Variants in DCHS2 observed in about 807,000 individuals in gnomAD.
DCHS2 encodes the protein protocadherin-23.
In DCHS2, 142 loss-of-function variants were observed where a neutral mutation model predicts 182.4. The ratio of observed to expected loss-of-function variants is 0.78; its 90% CI spans 0.68 to 0.89. DCHS2 has a LOEUF of 0.89. Ranked by LOEUF, DCHS2 falls within the 40% of genes least tolerant of loss-of-function variation. DCHS2 has a pLI of 0.00. For synonymous variants in DCHS2, 1,740 were observed against 1,663.3 expected, an observed-to-expected ratio of 1.05 and a Z score of -1.12; for missense variants, 4,319 against 4,198.6, an observed-to-expected ratio of 1.03 and a Z score of -0.79.
At chr4:154,298,806 A>G (rs189356247) in intron 12 of DCHS2, 98 bp from the exon 13 acceptor site, 102 of 1,429,296 alleles carry the variant, frequency 7.1e-5, no homozygotes, top group Admixed American at 3.0e-4. Flanking sequence ...CATTAAAAAT[A>G]TATTTATTCC....
chr4:154,464,041 T>C (rs1488816913), intron 1 of DCHS2, among the ~76,000 whole-genome samples: 1 of 152,060 alleles, frequency 6.6e-6, no homozygotes, highest in Non-Finnish European at 1.5e-5. Flanking sequence ...AGTTGGAAAA[T>C]GATTGAACGT....
Position 154,490,673 on chromosome 4 carries a change from G to A in DCHS2, c.683C>T (p.Pro228Leu), listed in dbSNP as rs1289098330. Residue 228 changes from proline (P) to leucine (L), a missense_variant, in exon 1 of 20, where the codon CCG (proline) becomes CTG (leucine). Coordinates refer to ENST00000357232, the MANE Select transcript of DCHS2 (RefSeq NM_001358235.2). ...GPFFQLRYRT[P>L]GPLPSPLLPG... is the part of the protein sequence containing the mutation. ...CAAAAGCGGTGACGGTAGTGGCCCC[G>A]GAGTCCGGTAGCGCAACTGGAAGAA... The A allele has an allele frequency of 5.2e-6, 8 of 1,551,434 alleles. No homozygotes were observed. The highest frequency in any genetic ancestry group is 3.9e-5 in the Admixed American group (2 of 50,990).
At chr4:154,418,414 C>G (rs937152987) in intron 1 of DCHS2, among the ~76,000 whole-genome samples, 2 of 152,172 alleles carry the variant, frequency 1.3e-5, no homozygotes, top group African/African-American at 4.8e-5. Context: ...GCTGAGAGTG[C>G]CTTTAATCCA....
At chr4:154,445,363 A>C (rs1197590889) in intron 1 of DCHS2, among the ~76,000 whole-genome samples, 6 of 152,244 alleles carry the variant, frequency 3.9e-5, no homozygotes, top group Non-Finnish European at 7.3e-5. Context: ...GCATTTAACA[A>C]AGGAGGCAAT....
At chr4:154,428,854 G>T (rs1299338748) in intron 1 of DCHS2, among the ~76,000 whole-genome samples, 1 of 152,066 alleles carries the variant, frequency 6.6e-6, no homozygotes. Context: ...AGAGAGCTGA[G>T]ATCGCACCAC....
At chr4:154,339,703 TC>T (rs1728975229) in intron 3 of DCHS2, among the ~76,000 whole-genome samples, 1 of 152,166 alleles carries the variant, frequency 6.6e-6, no homozygotes, top group Non-Finnish European at 1.5e-5. Context: ...CATCTCGGCC[TC>T]CCAGAGTGCT....
rs184764291 is a variant in DCHS2, at chr4:154,316,630, A to G, written c.5021-643T>C. Among the ~76,000 whole-genome samples, 3 of 152,126 alleles carry G rather than the reference A, an allele frequency of 2.0e-5. No individual in the cohort carries two copies. The East Asian group carries it at 5.8e-4, about 29-fold the overall frequency. ...AAACTCCATCTCCTCTAAAAACACA[A>G]AAAACTAGCCAGGCATGGTGGCGGG... On this transcript the variant is annotated intron_variant, in intron 9 of 19. Coordinates refer to ENST00000357232, the MANE Select transcript of DCHS2 (RefSeq NM_001358235.2).
At chr4:154,307,445 A>G (rs71620323) in intron 10 of DCHS2, among the ~76,000 whole-genome samples, 29,920 of 118,238 alleles carry the variant, frequency 0.25, 3,107 homozygotes, top group Admixed American at 0.38. Flanking sequence ...GCGCGCGCAC[A>G]CACACACACA....
At chr4:154,455,060 T>G (rs1048903834) in intron 1 of DCHS2, among the ~76,000 whole-genome samples, 1 of 152,210 alleles carries the variant, frequency 6.6e-6, no homozygotes, top group Non-Finnish European at 1.5e-5. Context: ...AAAATGCACA[T>G]ATAAACTTTC....
intron 1 of DCHS2, among the ~76,000 whole-genome samples, chr4:154,445,169 A>G (rs190000318): frequency 6.6e-6 from 1 of 152,248 alleles, no homozygotes; most frequent in East Asian, 1.9e-4. Context: ...CTCTCCCACT[A>G]GACTGGCTCC....
chr4:154,469,773 G>C (rs1216320789), intron 1 of DCHS2, among the ~76,000 whole-genome samples: 1 of 152,096 alleles, frequency 6.6e-6, no homozygotes, highest in East Asian at 1.9e-4. Context: ...CATTCTCCCA[G>C]GTAGTATTAG....
At chr4:154,327,511 C>T (rs930582746) in intron 7 of DCHS2, among the ~76,000 whole-genome samples, 5 of 152,026 alleles carry the variant, frequency 3.3e-5, no homozygotes, top group African/African-American at 4.8e-5. Context: ...TTGTGTCAAA[C>T]ATGACAAAGC....
At chr4:154,430,588 GA>G (rs1449738260) in intron 1 of DCHS2, among the ~76,000 whole-genome samples, 1 of 152,188 alleles carries the variant, frequency 6.6e-6, no homozygotes, top group African/African-American at 2.4e-5. Context: ...CAATGCTGTA[GA>G]ATTCTTGGAC....
chr4:154,354,544 T>G (rs1376253498), intron 3 of DCHS2, among the ~76,000 whole-genome samples: 3 of 152,228 alleles, frequency 2.0e-5, no homozygotes, highest in Non-Finnish European at 2.9e-5. Context: ...AGTACGACCC[T>G]CATTACTTTA....
At chr4:154,353,518 C>A (rs1446866416) in intron 3 of DCHS2, among the ~76,000 whole-genome samples, 1 of 152,180 alleles carries the variant, frequency 6.6e-6, no homozygotes, top group Admixed American at 6.5e-5. Context: ...AAGTGAAAGA[C>A]AGCCAACTGG....
intron 1 of DCHS2, among the ~76,000 whole-genome samples, chr4:154,421,171 A>G (rs1056602811): frequency 6.6e-6 from 1 of 152,240 alleles, no homozygotes; most frequent in African/African-American, 2.4e-5. Flanking sequence ...AGCTACATAG[A>G]GGACTTATAG....
rs187925039 is a variant in DCHS2 at position 154,489,655 on chromosome 4, G to T, written c.1701C>A (p.Asp567Glu). The T allele has an allele frequency of 6.4e-7, 1 of 1,551,634 alleles. No individual in the cohort carries two copies. The highest frequency in any genetic ancestry group is 8.7e-7 in the Non-Finnish European group (1 of 1,146,940). ...GCCAGGCGTGATCACTGCCTGCCTC[G>T]TCGGCATCGGAGGCGCTGACCCACA... ...VVMWVSASDA[D>E]EAGSDHAWLR... Residue 567 changes from aspartate to glutamate, a missense_variant, in exon 1 of 20, where the codon GAC becomes GAA. Coordinates refer to ENST00000357232, the MANE Select transcript of DCHS2 (RefSeq NM_001358235.2).
At position 154,232,839 on chromosome 4, in the gene DCHS2, G is replaced by C. The variant is rs1731256836; in HGVS notation, c.*1697C>G. The C allele has an allele frequency of 6.6e-6, 1 of 151,854 alleles. No individual in the cohort carries two copies. Among genetic ancestry groups the C allele is most frequent in the African/African-American group, 2.4e-5 (1 of 41,356 alleles). 9.4% of individuals were successfully genotyped at this position (151,854 alleles called of 1,614,324 possible). A position where few individuals can be genotyped will look rare whatever the true frequency, so the allele number is the denominator to read the frequency against. On this transcript the variant is annotated 3_prime_UTR_variant, in exon 20 of 20. Coordinates refer to ENST00000357232, the MANE Select transcript of DCHS2 (RefSeq NM_001358235.2). ...GTATTTAAATTTTCTACTCCTAAAGGATTTTTCCTAGGATTTCAGGCTTAT... is the reference window on the plus strand; with the variant it reads ...GTATTTAAATTTTCTACTCCTAAAGCATTTTTCCTAGGATTTCAGGCTTAT...
Position 154,260,844 on chromosome 4 carries a change from C to T in DCHS2, c.6578-1088G>A, listed in dbSNP as rs146577159. On this transcript the variant is annotated intron_variant, in intron 14 of 19. Coordinates refer to ENST00000357232, the MANE Select transcript of DCHS2 (RefSeq NM_001358235.2). Reference sequence around the variant, plus strand: ...CAGGGTCTGGCCTCCAGAAGGCACACAGTAATACTTTTATGCCCTCATATA... The same window carrying T: ...CAGGGTCTGGCCTCCAGAAGGCACATAGTAATACTTTTATGCCCTCATATA... Among the ~76,000 whole-genome samples the T allele has an allele frequency of 2.8e-3, 427 of 152,252 alleles. 1 individual carries two copies. Among genetic ancestry groups the T allele is most frequent in the Non-Finnish European group, 2.6e-3 (177 of 68,020 alleles).
Sources: allele counts gnomAD v4.1 joint callset (sites outside exome capture counted in the v4.1 genomes callset), GRCh38; gene constraint gnomAD v4.1.1; transcripts MANE v1.5; gene names NCBI Gene and HGNC (gene_info 2026-07-23, HGNC 2026-07-21).